The following CLYBL variants were observed in gnomAD, a reference collection of about 807,000 sequenced individuals.
The protein encoded by CLYBL is citramalyl-CoA lyase, mitochondrial.
CLYBL carries 31 observed loss-of-function variants against 38.9 expected under a neutral mutation model. That is an observed-to-expected ratio of 0.80 (90% confidence interval 0.60 to 1.08). The LOEUF (loss-of-function observed/expected upper bound fraction) is 1.08, where lower values mean the gene tolerates loss of function less well. Ranked by LOEUF, CLYBL falls within the 50% of genes least tolerant of loss-of-function variation. The pLI is 0.00. For missense variants in CLYBL, 434 were observed against 411.6 expected, an observed-to-expected ratio of 1.05 and a Z score of -0.47; for synonymous variants, 171 against 158.6, an observed-to-expected ratio of 1.08 and a Z score of -0.59.
At chr13:99,866,124 G>T in intron 5 of CLYBL, 116 bp from the exon 6 acceptor site, 2 of 1,009,376 alleles carry the variant, frequency 2.0e-6, no homozygotes, top group Non-Finnish European at 1.5e-6. Flanking sequence ...TTATTTTGCG[G>T]AGGAGCAATT....
At chr13:99,615,543 G>A (rs924962200) in intron 1 of CLYBL, among the ~76,000 whole-genome samples, 2 of 152,138 alleles carry the variant, frequency 1.3e-5, no homozygotes, top group African/African-American at 4.8e-5. Flanking sequence ...CATTGCTTAC[G>A]ATCCTGTGAA....
At chr13:99,737,359 G>A (rs946188321) in intron 1 of CLYBL, among the ~76,000 whole-genome samples, 2 of 152,184 alleles carry the variant, frequency 1.3e-5, no homozygotes, top group South Asian at 2.1e-4. Context: ...GAGGTGCTTC[G>A]TCAAGGGTTT....
intron 1 of CLYBL, among the ~76,000 whole-genome samples, chr13:99,738,453 C>T (rs2048700587): frequency 1.3e-5 from 2 of 152,164 alleles, no homozygotes; most frequent in East Asian, 1.9e-4. Context: ...TTCTTGGCCA[C>T]TGAGAAAGGA....
intron 2 of CLYBL, among the ~76,000 whole-genome samples, chr13:99,820,748 G>T (rs569289442): frequency 2.0e-5 from 3 of 152,162 alleles, no homozygotes; most frequent in Non-Finnish European, 2.9e-5. Flanking sequence ...TTTAGGTTTC[G>T]TGTGAACTCA....
intron 2 of CLYBL, among the ~76,000 whole-genome samples, chr13:99,802,253 C>G (rs890346614): frequency 8.6e-5 from 13 of 152,040 alleles, no homozygotes; most frequent in African/African-American, 3.1e-4. Context: ...CTCACATGAC[C>G]AAGAAAGAAA....
chr13:99,810,265 G>C (rs12427607), intron 2 of CLYBL, among the ~76,000 whole-genome samples: 15,089 of 152,274 alleles, frequency 0.099, 899 homozygotes, highest in Admixed American at 0.18. Flanking sequence ...TCAATGTTTG[G>C]TTGTGAACTG....
intron 1 of CLYBL, among the ~76,000 whole-genome samples, chr13:99,619,571 C>T (rs931797811): frequency 6.6e-6 from 1 of 152,312 alleles, no homozygotes; most frequent in East Asian, 1.9e-4. Flanking sequence ...CTCAGGTGCT[C>T]TTTAATTTTT....
chr13:99,792,356 T>TGG (rs941582464), intron 2 of CLYBL, among the ~76,000 whole-genome samples: 8 of 152,162 alleles, frequency 5.3e-5, no homozygotes, highest in African/African-American at 1.9e-4. Flanking sequence ...TGGGATTGTC[T>TGG]GGGGAGAGCT....
At chr13:99,614,537 C>T (rs926556747) in intron 1 of CLYBL, among the ~76,000 whole-genome samples, 2 of 151,924 alleles carry the variant, frequency 1.3e-5, no homozygotes, top group East Asian at 1.9e-4. Flanking sequence ...TGGCTGGGCC[C>T]GAATTGGGAG....
Position 99,777,437 on chromosome 13 carries a change from C to T in CLYBL, c.249+4427C>T, listed in dbSNP as rs951128940. Among the ~76,000 whole-genome samples, 124 of 152,116 alleles carry T rather than the reference C, an allele frequency of 8.2e-4. 1 individual carries two copies. The highest frequency in any genetic ancestry group is 2.7e-3 in the African/African-American group (113 of 41,514). ...CTCATTGCTACCACCTCTTTGTAAA[C>T]TGTTGGAAATACAAAAATGCTGTAC... On this transcript the variant is annotated intron_variant, in intron 2 of 8. Coordinates refer to ENST00000339105, the MANE Select transcript of CLYBL (RefSeq NM_206808.5).
At chr13:99,624,967 T>C (rs558030739) in intron 1 of CLYBL, among the ~76,000 whole-genome samples, 29 of 152,226 alleles carry the variant, frequency 1.9e-4, no homozygotes, top group Non-Finnish European at 3.7e-4. Context: ...TTCCCCCACC[T>C]TCACCTCAGA....
At chr13:99,835,044 G>T (rs2050903322) in intron 2 of CLYBL, among the ~76,000 whole-genome samples, 1 of 152,144 alleles carries the variant, frequency 6.6e-6, no homozygotes, top group East Asian at 1.9e-4. Context: ...TCCAAGATCA[G>T]TAAAAAGATT....
chr13:99,767,738 C>T (rs2049296232), intron 1 of CLYBL, among the ~76,000 whole-genome samples: 1 of 152,236 alleles, frequency 6.6e-6, no homozygotes, highest in Non-Finnish European at 1.5e-5. Context: ...CCTTTGAATC[C>T]CTCTAGTGAA....
chr13:99,688,193 G>C (rs2047846010), intron 1 of CLYBL, among the ~76,000 whole-genome samples: 1 of 151,946 alleles, frequency 6.6e-6, no homozygotes, highest in Non-Finnish European at 1.5e-5. Flanking sequence ...TTGCTACTCT[G>C]TTTCAGATTA....
At chr13:99,665,715 A>T (rs1269352211) in intron 1 of CLYBL, among the ~76,000 whole-genome samples, 1 of 152,242 alleles carries the variant, frequency 6.6e-6, no homozygotes, top group African/African-American at 2.4e-5. Context: ...ATAATCAAAT[A>T]TACATTTTGC....
intron 1 of CLYBL, among the ~76,000 whole-genome samples, chr13:99,656,800 T>A (rs548872094): frequency 1.2e-4 from 18 of 152,326 alleles, no homozygotes; most frequent in African/African-American, 3.6e-4. Flanking sequence ...TCAAATCATT[T>A]TCTGTTGTTA....
intron 2 of CLYBL, among the ~76,000 whole-genome samples, chr13:99,807,673 C>T (rs939688234): frequency 8.6e-5 from 13 of 151,216 alleles, no homozygotes; most frequent in Non-Finnish European, 1.8e-4. Context: ...GAAGGAGGAA[C>T]GGGGAGTGTA....
chr13:99,625,195 C>T (rs2046851938), intron 1 of CLYBL, among the ~76,000 whole-genome samples: 1 of 152,216 alleles, frequency 6.6e-6, no homozygotes, highest in Non-Finnish European at 1.5e-5. Flanking sequence ...TCCTTGAGGA[C>T]CAGGCACCAT....
chr13:99,663,222 A>G (rs960201835), intron 1 of CLYBL, among the ~76,000 whole-genome samples: 1 of 152,206 alleles, frequency 6.6e-6, no homozygotes, highest in Non-Finnish European at 1.5e-5. Context: ...GCATCCATTG[A>G]TTGAACAGTG....
Sources: gnomAD v4.1 joint callset for allele counts (sites outside exome capture counted in the v4.1 genomes callset) on GRCh38, gnomAD v4.1.1 for gene constraint, MANE v1.5 for transcripts, NCBI Gene and HGNC (gene_info 2026-07-23, HGNC 2026-07-21) for gene names.